The following IFT74 variants were observed in gnomAD, a reference collection of about 807,000 sequenced individuals.
The protein encoded by IFT74 is intraflagellar transport protein 74 homolog.
Under a neutral mutation model 96.7 loss-of-function variants are expected in IFT74, and 92 were observed. The observed-to-expected ratio is 0.95, with a 90% confidence interval of 0.80 to 1.13. The LOEUF (loss-of-function observed/expected upper bound fraction) is 1.13. Ranked by LOEUF, IFT74 falls within the 50% of genes most tolerant of loss-of-function variation. The pLI is 0.00. For synonymous variants in IFT74, 223 were observed against 213.2 expected, an observed-to-expected ratio of 1.05 and a Z score of -0.40; for missense variants, 811 against 698.2, an observed-to-expected ratio of 1.16 and a Z score of -1.82.
At chr9:27,029,530 C>A (rs528355530) in intron 13 of IFT74, among the ~76,000 whole-genome samples, 1 of 151,968 alleles carries the variant, frequency 6.6e-6, no homozygotes, top group African/African-American at 2.4e-5. Context: ...GGCAGATCAT[C>A]GGAGGTCGGG....
chr9:27,047,126 C>T (rs896479653), intron 14 of IFT74, 148 bp from the exon 15 acceptor site: 8 of 482,982 alleles, frequency 1.7e-5, no homozygotes, highest in South Asian at 7.2e-5. Context: ...GAGCCGAGAT[C>T]GTGCCACTGC....
chr9:26,990,150 A>G lies in IFT74; in HGVS notation c.542A>G (p.Asp181Gly). Residue 181 changes from aspartate to glycine, a missense_variant, in exon 8 of 20, where the codon GAT (aspartate) becomes GGT (glycine). Physicochemically the swap from Asp to Gly is moderately conservative, Grantham distance 94 (BLOSUM62 -1). Transcript: ENST00000380062. The stretch of plus-strand genomic sequence containing the variant: ...TTTATTCAGCTTAAAGCTCAAAATG[A>G]TCGAGAAACACAAAGTTTGGATGTC... ...NDYNMLKAQN[D>G]RETQSLDVIF... 6.7e-7 allele frequency: 1 copy of G among 1,501,808 alleles called. No individual in the cohort carries two copies. Among genetic ancestry groups the G allele is most frequent in the Non-Finnish European group, 8.9e-7 (1 of 1,127,480 alleles). 93.0% of individuals were successfully genotyped at this position (1,501,808 alleles called of 1,614,324 possible).
chr9:27,060,210 T>C (rs1820352857), intron 18 of IFT74, among the ~76,000 whole-genome samples: 3 of 152,176 alleles, frequency 2.0e-5, no homozygotes. Flanking sequence ...TTTGACAGTG[T>C]TTGAATATGT....
At chr9:26,954,425 T>G (rs998322668), upstream of IFT74, among the ~76,000 whole-genome samples, 3 of 152,184 alleles carry the variant, frequency 2.0e-5, no homozygotes, top group Admixed American at 2.0e-4. Flanking sequence ...CAACTACCTC[T>G]GGGGGAGCCC....
intron 10 of IFT74, among the ~76,000 whole-genome samples, chr9:27,015,308 T>G (rs1048201729): frequency 1.3e-5 from 2 of 152,166 alleles, no homozygotes; most frequent in Non-Finnish European, 2.9e-5. Context: ...GTCTACTCGT[T>G]CCTTTTTTGG....
intron 2 of IFT74, among the ~76,000 whole-genome samples, chr9:26,973,334 A>G (rs1046085368): frequency 6.6e-6 from 1 of 152,188 alleles, no homozygotes; most frequent in African/African-American, 2.4e-5. Context: ...GGAGACATAC[A>G]GGGTTTAAGG....
chr9:26,992,943 C>G (rs917477996), intron 8 of IFT74, among the ~76,000 whole-genome samples: 2 of 152,066 alleles, frequency 1.3e-5, no homozygotes, highest in Non-Finnish European at 2.9e-5. Context: ...TTATGGAAAA[C>G]TCATCTATAA....
intron 8 of IFT74, among the ~76,000 whole-genome samples, chr9:26,992,972 C>G (rs911429128): frequency 2.0e-5 from 3 of 152,144 alleles, no homozygotes; most frequent in African/African-American, 7.2e-5. Flanking sequence ...TTATAATAAA[C>G]AGCCTCAATA....
chr9:26,982,259 A>G (rs781639630), intron 4 of IFT74: 16 of 307,652 alleles, frequency 5.2e-5, no homozygotes, highest in South Asian at 1.5e-4. Context: ...TAATTAATTC[A>G]TAAGCTTTTT....
At chr9:27,019,397 G>A (rs1309835370) in intron 12 of IFT74, among the ~76,000 whole-genome samples, 1 of 151,918 alleles carries the variant, frequency 6.6e-6, no homozygotes, top group Non-Finnish European at 1.5e-5. Flanking sequence ...ATGTGCTTCT[G>A]TGTGTCAGGA....
intron 8 of IFT74, among the ~76,000 whole-genome samples, chr9:26,992,943 C>T (rs917477996): frequency 3.9e-5 from 6 of 152,066 alleles, no homozygotes; most frequent in Non-Finnish European, 8.8e-5. Context: ...TTATGGAAAA[C>T]TCATCTATAA....
At chr9:27,060,523 C>T in intron 18 of IFT74, 68 bp from the exon 19 acceptor site, 12 of 979,408 alleles carry the variant, frequency 1.2e-5, no homozygotes, top group Admixed American at 9.2e-5. Flanking sequence ...TTTGTCTTAT[C>T]CTCTTAGAAA....
chr9:27,062,506 A>G (rs903260572), intron 19 of IFT74, 112 bp from the exon 20 acceptor site: 41 of 622,642 alleles, frequency 6.6e-5, no homozygotes, highest in Non-Finnish European at 1.1e-4. Flanking sequence ...AAGTATTCTA[A>G]TTGTGCTTTT....
At chr9:27,006,472 T>C (rs1828781229) in intron 8 of IFT74, among the ~76,000 whole-genome samples, 1 of 151,970 alleles carries the variant, frequency 6.6e-6, no homozygotes, top group African/African-American at 2.4e-5. Context: ...GGGCATGGTG[T>C]TGTGTGCCTT....
intron 8 of IFT74, chr9:26,997,656 A>T (rs746184346): frequency 8.8e-6 from 13 of 1,472,648 alleles, no homozygotes; most frequent in Non-Finnish European, 1.2e-5. Context: ...TTAAAACGTG[A>T]TATGAGAGAT....
intron 4 of IFT74, among the ~76,000 whole-genome samples, chr9:26,981,712 G>A (rs758767897): frequency 8.6e-5 from 13 of 150,892 alleles, no homozygotes; most frequent in Non-Finnish European, 1.6e-4. Flanking sequence ...GAGCCACCGC[G>A]CCCAACCCCT....
At chr9:27,037,633 T>C (rs763428039) in intron 13 of IFT74, among the ~76,000 whole-genome samples, 53 of 152,196 alleles carry the variant, frequency 3.5e-4, no homozygotes, top group Non-Finnish European at 5.4e-4. Flanking sequence ...GCTTTGGGGT[T>C]CAAAGCCTGG....
chr9:27,043,026 A>G (rs1350902954), intron 13 of IFT74, among the ~76,000 whole-genome samples: 3 of 152,158 alleles, frequency 2.0e-5, no homozygotes, highest in Non-Finnish European at 4.4e-5. Flanking sequence ...CCTCCTCTTC[A>G]CAGTTAATCA....
chr9:26,962,503 A>T (rs965594647), intron 2 of IFT74, among the ~76,000 whole-genome samples: 3 of 152,242 alleles, frequency 2.0e-5, no homozygotes, highest in Non-Finnish European at 2.9e-5. Context: ...CCTCAAATAG[A>T]ATCAAGCATA....
Sources: allele counts gnomAD v4.1 joint callset (sites outside exome capture counted in the v4.1 genomes callset), GRCh38; gene constraint gnomAD v4.1.1; transcripts MANE v1.5; gene names NCBI Gene and HGNC (gene_info 2026-07-23, HGNC 2026-07-21).